Variants in CSMD1 observed in about 807,000 individuals in gnomAD.
The protein encoded by CSMD1 is CUB and sushi domain-containing protein 1.
Under a neutral mutation model 417.5 loss-of-function variants are expected in CSMD1, and 213 were observed. The ratio of observed to expected loss-of-function variants is 0.51; its 90% CI spans 0.46 to 0.57. The LOEUF is 0.57. Among genes scored for constraint, CSMD1 ranks in the 20% least tolerant of loss-of-function variants. CSMD1 has a pLI of 0.00. For synonymous variants in CSMD1, 2,862 were observed against 1,736.8 expected (o/e 1.65, Z -16.11); for missense variants, 6,923 against 4,529.7 (o/e 1.53, Z -15.17).
chr8:4,123,998 A>C (rs1276070530), intron 3 of CSMD1, among the ~76,000 whole-genome samples: 1 of 152,234 alleles, frequency 6.6e-6, no homozygotes, highest in African/African-American at 2.4e-5. Context: ...AGAATAATTA[A>C]AATATTAATG....
chr8:2,948,797 C>T (rs968356093), intron 68 of CSMD1, among the ~76,000 whole-genome samples: 4 of 152,004 alleles, frequency 2.6e-5, no homozygotes, highest in Non-Finnish European at 5.9e-5. Context: ...ACCCATACAT[C>T]CATCAAAATT....
intron 4 of CSMD1, among the ~76,000 whole-genome samples, chr8:4,031,000 T>C (rs114679658): frequency 0.06 from 9,081 of 152,236 alleles, 914 homozygotes; most frequent in African/African-American, 0.2. Context: ...CTCATCTCCA[T>C]CCGAGACCAC....
rs2103221 is a variant in CSMD1 at position 4,545,946 on chromosome 8, A to T, written c.302+91396T>A. Among the ~76,000 whole-genome samples the T allele has an allele frequency of 9.2e-5, 14 of 152,062 alleles. No individual in the cohort carries two copies. The East Asian group carries it at 2.3e-3, about 25-fold the overall frequency. On this transcript the variant is annotated intron_variant, in intron 2 of 69. Transcript: ENST00000635120. ...CATTCTTGCCTATTCTTTCTCAGAAAGAAACTTTCTCCCATGTCGCCTGAA... is the reference window on the plus strand; with the variant it reads ...CATTCTTGCCTATTCTTTCTCAGAATGAAACTTTCTCCCATGTCGCCTGAA...
chr8:4,200,750 T>C (rs1387664681), intron 3 of CSMD1, among the ~76,000 whole-genome samples: 2 of 152,164 alleles, frequency 1.3e-5, no homozygotes, highest in Non-Finnish European at 2.9e-5. Flanking sequence ...TAGTCCCAAC[T>C]ACTCTGGCGA....
At chr8:4,071,207 C>G (rs2740870) in intron 3 of CSMD1, among the ~76,000 whole-genome samples, 1 of 151,774 alleles carries the variant, frequency 6.6e-6, no homozygotes. Context: ...TTTCTCCTTC[C>G]GGAGTTTCAG....
chr8:4,500,351 T>C (rs1170762366), intron 2 of CSMD1, among the ~76,000 whole-genome samples: 1 of 152,170 alleles, frequency 6.6e-6, no homozygotes, highest in East Asian at 1.9e-4. Context: ...TCACTAAACA[T>C]ATAATAATAA....
rs11267262 is a variant in CSMD1 at position 3,510,678 on chromosome 8, A to ATAAAAAAATCC, written c.1345-16953_1345-16952insGGATTTTTTTA. 7.6e-4 allele frequency among the ~76,000 whole-genome samples: 115 copies of ATAAAAAAATCC among 151,502 alleles called. 5 individuals carry two copies. Among genetic ancestry groups the ATAAAAAAATCC allele is most frequent in the Middle Eastern group, 6.9e-3 (2 of 290 alleles). ...AGATTATGTAAGATATAGAGGCAGGATTACTTTTTAATGATTGCCATTCTA... is the reference window on the plus strand; with the variant it reads ...AGATTATGTAAGATATAGAGGCAGGATAAAAAAATCCTTACTTTTTAATGATTGCCATTCTA... On this transcript the variant is annotated intron_variant, in intron 10 of 69. Transcript: ENST00000635120.
chr8:3,807,254 T>A (rs1262341576), intron 5 of CSMD1, among the ~76,000 whole-genome samples: 1 of 152,286 alleles, frequency 6.6e-6, no homozygotes, highest in Non-Finnish European at 1.5e-5. Flanking sequence ...TAATTTCCAT[T>A]CTTTGATCAA....
At chr8:3,478,621 C>G (rs538705691) in intron 11 of CSMD1, among the ~76,000 whole-genome samples, 2 of 152,228 alleles carry the variant, frequency 1.3e-5, no homozygotes, top group East Asian at 3.9e-4. Flanking sequence ...TTGCTGTTTT[C>G]CACCCCTGAA....
In CSMD1 at chr8:4,078,891, TAATAAATATATA is replaced by T. The variant is rs1334394700; in HGVS notation, c.416-46804_416-46793del. Among the ~76,000 whole-genome samples, 5 of 109,634 alleles carry T rather than the reference TAATAAATATATA, an allele frequency of 4.6e-5. 2 individuals carry two copies. The highest frequency in any genetic ancestry group is 2.0e-4 in the African/African-American group (5 of 24,742). The allele number at this position is 109,634 out of a possible 152,430, so 71.9% of individuals were successfully genotyped here. On this transcript the variant is annotated intron_variant, in intron 3 of 69. Transcript: ENST00000635120. ...TCTCTACTAAAATTAATAATAATAA[TAATAAATATATA>T]TATATATATATATATATATATATAT...
At chr8:3,624,163 A>G (rs570053971) in intron 7 of CSMD1, among the ~76,000 whole-genome samples, 9 of 152,314 alleles carry the variant, frequency 5.9e-5, no homozygotes, top group South Asian at 2.1e-4. Context: ...CTGAGCATCC[A>G]AAAGAAAAAT....
chr8:4,340,199 A>C (rs76365677), intron 3 of CSMD1, among the ~76,000 whole-genome samples: 6,695 of 151,910 alleles, frequency 0.044, 198 homozygotes, highest in Middle Eastern at 0.085. Flanking sequence ...AACTAATGAC[A>C]CCTTCGCCAA....
At chr8:4,274,117 C>T (rs926212723) in intron 3 of CSMD1, among the ~76,000 whole-genome samples, 4 of 152,128 alleles carry the variant, frequency 2.6e-5, no homozygotes, top group African/African-American at 7.2e-5. Flanking sequence ...AATAACCCCT[C>T]CTCCATTATC....
In CSMD1 at chr8:3,997,898, C is replaced by G; in HGVS notation, c.818+5G>C. 6.2e-7 allele frequency: 1 copy of G among 1,610,312 alleles called. No individual in the cohort carries two copies. Among genetic ancestry groups the G allele is most frequent in the Non-Finnish European group, 8.5e-7 (1 of 1,178,108 alleles). On this transcript the variant is annotated splice_donor_5th_base_variant and intron_variant, in intron 5 of 69. Coordinates refer to ENST00000635120, the MANE Select transcript of CSMD1 (RefSeq NM_033225.6). ...TCCTTTGTGGCATCTCTTCCCGGGA[C>G]TTACCATATGGATGGAGCTTCCGTG...
intron 26 of CSMD1, among the ~76,000 whole-genome samples, chr8:3,256,323 A>AAAAAAAAGAG (rs1554487841): frequency 3.6e-5 from 5 of 138,056 alleles, no homozygotes; most frequent in Non-Finnish European, 8.1e-5. Flanking sequence ...AAAAAAAAAA[A>AAAAAAAAGAG]AAGAGAAGAA....
rs868521431 is a variant in CSMD1 at position 3,696,832 on chromosome 8, T to A, written c.1009+11582A>T. Among the ~76,000 whole-genome samples, 8 of 152,332 alleles carry A rather than the reference T, an allele frequency of 5.3e-5. No individual in the cohort carries two copies. In the Middle Eastern group the frequency reaches 0.017, roughly 324 times the overall value. On this transcript the variant is annotated intron_variant, in intron 7 of 69. Coordinates refer to ENST00000635120, the MANE Select transcript of CSMD1 (RefSeq NM_033225.6). ...CTTTATCATTTGAATTAAAATGTATTCCCATAGTTTAAATTCCCTTATTTC... is the reference window on the plus strand; with the variant it reads ...CTTTATCATTTGAATTAAAATGTATACCCATAGTTTAAATTCCCTTATTTC...
chr8:4,932,613 G>A (rs1439879160), intron 1 of CSMD1, among the ~76,000 whole-genome samples: 1 of 152,176 alleles, frequency 6.6e-6, no homozygotes, highest in Non-Finnish European at 1.5e-5. Flanking sequence ...AGACCCAACA[G>A]GGTAGCAAGT....
intron 1 of CSMD1, among the ~76,000 whole-genome samples, chr8:4,724,560 G>T (rs1250583059): frequency 7.1e-6 from 1 of 141,552 alleles, no homozygotes; most frequent in Non-Finnish European, 1.5e-5. Context: ...GTGTGTGTGT[G>T]TGTTTATACT....
intron 23 of CSMD1, among the ~76,000 whole-genome samples, chr8:3,310,003 AAG>A (rs1805199549): frequency 6.6e-6 from 1 of 152,230 alleles, no homozygotes; most frequent in Admixed American, 6.5e-5. Context: ...TGATCTATTT[AAG>A]AGACACCAAT....
Sources: allele counts gnomAD v4.1 joint callset (sites outside exome capture counted in the v4.1 genomes callset), GRCh38; gene constraint gnomAD v4.1.1; transcripts MANE v1.5; gene names NCBI Gene and HGNC (gene_info 2026-07-23, HGNC 2026-07-21).